SRBD1: variants seen among roughly 807,000 people sequenced by gnomAD.
The protein encoded by SRBD1 is S1 RNA-binding domain-containing protein 1.
SRBD1 carries 88 observed loss-of-function variants against 115.3 expected under a neutral mutation model. That is an observed-to-expected ratio of 0.76 (90% CI 0.64 to 0.91). The LOEUF (loss-of-function observed/expected upper bound fraction) is 0.91. Ranked by LOEUF, SRBD1 falls within the 40% of genes least tolerant of loss-of-function variation. SRBD1 has a pLI of 0.00. For missense variants in SRBD1, 1,385 were observed against 1,177.4 expected (o/e 1.18, Z -2.58); for synonymous variants, 509 against 407.7 (o/e 1.25, Z -2.99).
rs377090313 is a variant in SRBD1, at chr2:45,568,534, A to T, written c.1305+4673T>A. Among the ~76,000 whole-genome samples, 44 of 152,330 alleles carry T rather than the reference A, an allele frequency of 2.9e-4. 1 individual carries two copies. The East Asian group carries it at 7.7e-3, about 27-fold the overall frequency. On this transcript the variant is annotated intron_variant, in intron 9 of 20. Coordinates refer to ENST00000263736, the MANE Select transcript of SRBD1 (RefSeq NM_018079.5). ...GTAAAACAGCAGTGCTGTTTTTCAA[A>T]ACTGACATTTCCAAAATGCTCTGCT...
intron 4 of SRBD1, among the ~76,000 whole-genome samples, chr2:45,594,868 A>G (rs1673844608): frequency 6.6e-6 from 1 of 152,238 alleles, no homozygotes; most frequent in South Asian, 2.1e-4. Context: ...TCAATCTTCA[A>G]TAGGCATGAT....
At chr2:45,401,188 A>T (rs781513669) in intron 19 of SRBD1, among the ~76,000 whole-genome samples, 1 of 152,174 alleles carries the variant, frequency 6.6e-6, no homozygotes, top group Non-Finnish European at 1.5e-5. Context: ...TGGCACACAC[A>T]TGTAGTCCCA....
chr2:45,517,547 G>A (rs569835109), intron 14 of SRBD1, among the ~76,000 whole-genome samples: 1 of 152,292 alleles, frequency 6.6e-6, no homozygotes, highest in South Asian at 2.1e-4. Flanking sequence ...AAGTCATCAA[G>A]CATTAATCAG....
intron 14 of SRBD1, among the ~76,000 whole-genome samples, chr2:45,503,898 TA>T (rs1448948259): frequency 1.3e-5 from 2 of 152,128 alleles, no homozygotes; most frequent in Non-Finnish European, 2.9e-5. Context: ...GAAAAACTGT[TA>T]TAATAGGCAG....
At chr2:45,479,106 TA>T (rs1669886426) in intron 15 of SRBD1, among the ~76,000 whole-genome samples, 1 of 152,142 alleles carries the variant, frequency 6.6e-6, no homozygotes, top group Non-Finnish European at 1.5e-5. Flanking sequence ...GTAACAAACT[TA>T]ATCAATAAAT....
chr2:45,448,319 A>T (rs1023326268), intron 16 of SRBD1, among the ~76,000 whole-genome samples: 33 of 152,214 alleles, frequency 2.2e-4, no homozygotes, highest in African/African-American at 7.5e-4. Context: ...AGATAGAATA[A>T]TATATTTTAT....
chr2:45,521,286 AACACACAC>A (rs71394840), intron 14 of SRBD1, among the ~76,000 whole-genome samples: 3,003 of 146,414 alleles, frequency 0.021, 99 homozygotes, highest in African/African-American at 0.072. Context: ...CAAAAAGGAA[AACACACAC>A]ACACACACAC....
chr2:45,597,746 T>C (rs1673948700), intron 4 of SRBD1, among the ~76,000 whole-genome samples: 1 of 152,198 alleles, frequency 6.6e-6, no homozygotes, highest in South Asian at 2.1e-4. Context: ...GGTGAAAAAC[T>C]CTTTTCTACT....
intron 9 of SRBD1, among the ~76,000 whole-genome samples, chr2:45,572,467 A>C (rs1447191923): frequency 2.6e-5 from 4 of 152,096 alleles, no homozygotes; most frequent in African/African-American, 4.8e-5. Flanking sequence ...ATTAAACATA[A>C]ATTTTTTAAA....
At chr2:45,446,503 GA>G (rs1668827855) in intron 16 of SRBD1, among the ~76,000 whole-genome samples, 1 of 152,058 alleles carries the variant, frequency 6.6e-6, no homozygotes, top group Non-Finnish European at 1.5e-5. Context: ...ACATCTTAAG[GA>G]TTGGGGATCC....
chr2:45,578,793 A>G (rs891081270), intron 7 of SRBD1, among the ~76,000 whole-genome samples: 1 of 152,212 alleles, frequency 6.6e-6, no homozygotes, highest in African/African-American at 2.4e-5. Flanking sequence ...CGGGGGCTAC[A>G]GTTAATAATA....
intron 15 of SRBD1, among the ~76,000 whole-genome samples, chr2:45,482,694 G>C (rs1205328590): frequency 6.6e-6 from 1 of 151,200 alleles, no homozygotes; most frequent in Non-Finnish European, 1.5e-5. Context: ...GATGAAAGTG[G>C]AAATTTCACA....
At chr2:45,409,877 A>C (rs1667547045) in intron 19 of SRBD1, among the ~76,000 whole-genome samples, 1 of 152,228 alleles carries the variant, frequency 6.6e-6, no homozygotes, top group Non-Finnish European at 1.5e-5. Flanking sequence ...AAATGCTGAC[A>C]TAATAAGTTC....
At chr2:45,496,512 G>A (rs1351351880) in intron 14 of SRBD1, among the ~76,000 whole-genome samples, 2 of 152,116 alleles carry the variant, frequency 1.3e-5, no homozygotes, top group African/African-American at 4.8e-5. Context: ...GATAGAAGCA[G>A]CGATATACTT....
At chr2:45,471,929 C>T (rs1023164713) in intron 16 of SRBD1, among the ~76,000 whole-genome samples, 1 of 152,104 alleles carries the variant, frequency 6.6e-6, no homozygotes, top group Non-Finnish European at 1.5e-5. Flanking sequence ...TAATTCATGA[C>T]ATGGCTTTAA....
intron 16 of SRBD1, among the ~76,000 whole-genome samples, chr2:45,450,899 C>A (rs574546469): frequency 5.9e-5 from 9 of 152,098 alleles, no homozygotes; most frequent in Non-Finnish European, 1.3e-4. Context: ...AAATGTCAAT[C>A]AAATCTGAGC....
chr2:45,451,467 C>T (rs115794329), intron 16 of SRBD1, among the ~76,000 whole-genome samples: 1 of 151,830 alleles, frequency 6.6e-6, no homozygotes, highest in Non-Finnish European at 1.5e-5. Context: ...TATTAAATGA[C>T]AGAGTACTAG....
chr2:45,584,071 A>T (rs1673443981), intron 5 of SRBD1, among the ~76,000 whole-genome samples: 1 of 152,124 alleles, frequency 6.6e-6, no homozygotes, highest in South Asian at 2.1e-4. Flanking sequence ...AGACTTTCTT[A>T]ATTACCTTGC....
chr2:45,425,248 T>G (rs141461026), intron 16 of SRBD1, among the ~76,000 whole-genome samples: 23 of 152,274 alleles, frequency 1.5e-4, no homozygotes, highest in African/African-American at 5.5e-4. Context: ...CTATCAAAAC[T>G]CCTTGAGATT....
Sources: allele counts gnomAD v4.1 joint callset (sites outside exome capture counted in the v4.1 genomes callset), GRCh38; gene constraint gnomAD v4.1.1; transcripts MANE v1.5; gene names NCBI Gene and HGNC (gene_info 2026-07-23, HGNC 2026-07-21).